The following ZNF554 variants were observed in gnomAD, a reference collection of about 807,000 sequenced individuals.
ZNF554 encodes zinc finger protein 554.
Under a neutral mutation model 21.2 loss-of-function variants are expected in ZNF554, and 15 were observed. The ratio of observed to expected loss-of-function variants is 0.71; its 90% CI spans 0.47 to 1.09. The LOEUF is 1.09. Among genes scored for constraint, ZNF554 ranks in the 50% least tolerant of loss-of-function variants. The pLI is 0.00. For missense variants in ZNF554, 691 were observed against 662.7 expected (o/e 1.04, Z -0.47); for synonymous variants, 258 against 251.4 (o/e 1.03, Z -0.25).
chr19:2,825,019 T>TGG (rs1568332529), intron 2 of ZNF554, among the ~76,000 whole-genome samples: 1 of 148,330 alleles, frequency 6.7e-6, no homozygotes, highest in Non-Finnish European at 1.5e-5. Flanking sequence ...TTTTTTTTTT[T>TGG]TTTTTTTTTT....
chr19:2,823,387 C>T (rs1018568650), intron 2 of ZNF554, among the ~76,000 whole-genome samples: 3 of 152,122 alleles, frequency 2.0e-5, no homozygotes, highest in Non-Finnish European at 4.4e-5. Context: ...GCTGTGGTAC[C>T]TTTGCCCAAG....
At position 2,825,003 on chromosome 19, in the gene ZNF554, GTTTTTT is replaced by G. The variant is rs140025750; in HGVS notation, c.126+1913_126+1918del. ...CACTGAGCATAACGTGATTGCAGTT[GTTTTTT>G]TTTTTTTTTTTTTTTTTTTTTGAGA... On this transcript the variant is annotated intron_variant, in intron 2 of 4. Transcript: ENST00000317243. Among the ~76,000 whole-genome samples, 83 of 97,704 alleles carry G rather than the reference GTTTTTT, an allele frequency of 8.5e-4. 1 individual carries two copies. Among genetic ancestry groups the G allele is most frequent in the African/African-American group, 2.8e-3 (75 of 26,526 alleles). 64.1% of individuals were successfully genotyped at this position (97,704 alleles called of 152,430 possible). A position where few individuals can be genotyped will look rare whatever the true frequency, so the allele number is the denominator to read the frequency against.
intron 3 of ZNF554, 40 bp from the exon 4 acceptor site, chr19:2,832,263 A>G (rs2087430754): frequency 6.6e-7 from 1 of 1,511,062 alleles, no homozygotes; most frequent in East Asian, 2.3e-5. Flanking sequence ...TAAAATCATT[A>G]TCTTGTGCTA....
At chr19:2,827,953 A>G (rs2087357867) in intron 3 of ZNF554, among the ~76,000 whole-genome samples, 1 of 152,198 alleles carries the variant, frequency 6.6e-6, no homozygotes, top group African/African-American at 2.4e-5. Flanking sequence ...ACGTGGCGGT[A>G]GGCAAGAGAG....
chr19:2,822,185 G>A (rs1568331421), intron 1 of ZNF554, among the ~76,000 whole-genome samples: 2 of 151,970 alleles, frequency 1.3e-5, no homozygotes, highest in South Asian at 2.1e-4. Flanking sequence ...TGAGTAGCTG[G>A]GTTTACAGGG....
At position 2,834,861 on chromosome 19, in the gene ZNF554, C is replaced by T. The variant is rs188183451; in HGVS notation, c.*9C>T. Reference sequence around the variant, plus strand: ...ATCTTATTGGATATTAGCAATTGCACGCTGCTTTGTAAGCCACTTTTTAGT... The same window carrying T: ...ATCTTATTGGATATTAGCAATTGCATGCTGCTTTGTAAGCCACTTTTTAGT... On this transcript the variant is annotated 3_prime_UTR_variant, in exon 5 of 5. Coordinates refer to ENST00000317243, the MANE Select transcript of ZNF554 (RefSeq NM_001102651.2). 7.6e-5 allele frequency: 119 copies of T among 1,564,264 alleles called. No individual in the cohort carries two copies. The Middle Eastern group carries it at 1.2e-3, about 16-fold the overall frequency.
intron 2 of ZNF554, among the ~76,000 whole-genome samples, chr19:2,823,605 C>G (rs1167723255): frequency 6.6e-6 from 1 of 152,128 alleles, no homozygotes; most frequent in African/African-American, 2.4e-5. Context: ...CTCTGCAGGT[C>G]TCTGAAGCTC....
rs571251839 is a variant in ZNF554 at position 2,824,020 on chromosome 19, C to T, written c.126+908C>T. Among the ~76,000 whole-genome samples the T allele has an allele frequency of 6.5e-4, 99 of 152,254 alleles. 1 individual carries two copies. The highest frequency in any genetic ancestry group is 2.1e-3 in the African/African-American group (88 of 41,546). ...TTAATCTGCCTCCTGCTGCCATTCA[C>T]GGCCCTAGGACTTGGCCCAAACCCC... On this transcript the variant is annotated intron_variant, in intron 2 of 4. Coordinates refer to ENST00000317243, the MANE Select transcript of ZNF554 (RefSeq NM_001102651.2).
chr19:2,832,094 T>C, intron 3 of ZNF554: 2 of 377,286 alleles, frequency 5.3e-6, no homozygotes, highest in Non-Finnish European at 9.5e-6. Context: ...CCCAGCTAAT[T>C]TTTGTATTTT....
Position 2,832,480 on chromosome 19 carries a change from A to G in ZNF554, c.431A>G (p.Gln144Arg), listed in dbSNP as rs1398167393. 4 of 1,605,346 alleles carry G rather than the reference A, an allele frequency of 2.5e-6. No individual in the cohort carries two copies. Among genetic ancestry groups the G allele is most frequent in the Non-Finnish European group, 3.4e-6 (4 of 1,177,062 alleles). Residue 144 changes from glutamine to arginine, a missense_variant, in exon 4 of 5, where the codon CAA becomes CGA. Physicochemically the swap from Gln to Arg is conservative, Grantham distance 43. Coordinates refer to ENST00000317243, the MANE Select transcript of ZNF554 (RefSeq NM_001102651.2). ...ALWIEEKGTP[Q>R]ASCSDWMTVL... ...TGGATAGAGGAAAAAGGAACTCCTC[A>G]AGCCTCCTGTTCAGGTGAGAATCAG...
intron 4 of ZNF554, 41 bp from the exon 5 acceptor site, chr19:2,833,640 T>C: frequency 6.7e-7 from 1 of 1,495,512 alleles, no homozygotes; most frequent in Non-Finnish European, 8.9e-7. Flanking sequence ...AGTAGCTGTT[T>C]CTTCTTCTAA....
intron 2 of ZNF554, among the ~76,000 whole-genome samples, chr19:2,826,864 G>C (rs1446021079): frequency 2.0e-5 from 3 of 151,954 alleles, no homozygotes; most frequent in South Asian, 4.2e-4. Flanking sequence ...GGGTTTCACT[G>C]CGTTCGCCAG....
rs542720826 is a variant in ZNF554, at chr19:2,834,919, C to T, written c.*67C>T. 11 of 1,398,120 alleles carry T rather than the reference C, an allele frequency of 7.9e-6. 1 individual carries two copies. The South Asian group carries it at 1.4e-4, about 18-fold the overall frequency. The allele number at this position is 1,398,120 out of a possible 1,614,324, so 86.6% of individuals were successfully genotyped here. A position where few individuals can be genotyped will look rare whatever the true frequency, so the allele number is the denominator to read the frequency against. On this transcript the variant is annotated 3_prime_UTR_variant, in exon 5 of 5. Coordinates refer to ENST00000317243, the MANE Select transcript of ZNF554 (RefSeq NM_001102651.2). ...CACATACATGTGGTTATCTTTTGCC[C>T]TGTTGTGATGGATAATTTGAAAAGA...
In ZNF554 at chr19:2,823,116, A is replaced by G. The variant is rs1252804126; in HGVS notation, c.126+4A>G. 3 of 1,611,750 alleles carry G rather than the reference A, an allele frequency of 1.9e-6. No individual in the cohort carries two copies. Among genetic ancestry groups the G allele is most frequent in the Non-Finnish European group, 2.5e-6 (3 of 1,178,286 alleles). On this transcript the variant is annotated splice_donor_region_variant and intron_variant, in intron 2 of 4. Transcript: ENST00000317243. ...GTACCTGCCCCGCTGGTCCCAGGTG[A>G]GATGTCCTCATTCTCCCAAAGGGCA...
chr19:2,821,808 T>C lies in ZNF554; in HGVS notation c.54-1232T>C, dbSNP rs1347541191. ...CCTCTCGAGTAGCTGGGATTACAGG[T>C]GCACGCCACCACACCCAGCTAATTT... On this transcript the variant is annotated intron_variant, in intron 1 of 4. Coordinates refer to ENST00000317243, the MANE Select transcript of ZNF554 (RefSeq NM_001102651.2). This position sits in a 1 kb window ranked among gnomAD's most constrained non-coding sequence, Gnocchi z 8.2. 2.0e-5 allele frequency among the ~76,000 whole-genome samples: 3 copies of C among 151,414 alleles called. No individual in the cohort carries two copies. The East Asian group carries it at 5.9e-4, about 30-fold the overall frequency.
In ZNF554 at chr19:2,819,996, C is replaced by T. The variant is rs530819506; in HGVS notation, c.-76C>T. 6.2e-6 allele frequency: 7 copies of T among 1,120,560 alleles called. No homozygotes were observed. In the African/African-American group the frequency reaches 1.1e-4, roughly 18 times the overall value. 69.4% of individuals were successfully genotyped at this position (1,120,560 alleles called of 1,614,324 possible). A position where few individuals can be genotyped will look rare whatever the true frequency, so the allele number is the denominator to read the frequency against. ...GAGCGGAGGAGGCGTCCCAGGGACA[C>T]GCAGGGGAGGCCGGCCGGCCTGCAC... On this transcript the variant is annotated 5_prime_UTR_variant, in exon 1 of 5. It adds an upstream start codon to the 5' untranslated region. Coordinates refer to ENST00000317243, the MANE Select transcript of ZNF554 (RefSeq NM_001102651.2).
In ZNF554 at chr19:2,821,041, C is replaced by T. The variant is rs540529799; in HGVS notation, c.53+917C>T. Reference sequence around the variant, plus strand: ...GCTGACCTTTCTGCTGCTCTAGCAACCCCAACCTCCCTGAACTCTCCCCTA... The same window carrying T: ...GCTGACCTTTCTGCTGCTCTAGCAATCCCAACCTCCCTGAACTCTCCCCTA... On this transcript the variant is annotated intron_variant, in intron 1 of 4. Coordinates refer to ENST00000317243, the MANE Select transcript of ZNF554 (RefSeq NM_001102651.2). The surrounding 1 kb of genome is among the most constrained non-coding windows in gnomAD (Gnocchi z 8.2). Among the ~76,000 whole-genome samples the T allele has an allele frequency of 6.6e-6, 1 of 151,794 alleles. No individual in the cohort carries two copies. Among genetic ancestry groups the T allele is most frequent in the Admixed American group, 6.6e-5 (1 of 15,260 alleles).
rs537293523 is a variant in ZNF554, at chr19:2,823,561, G to C, written c.126+449G>C. ...CAGCAGAGAGGAGGCCTAGGAGAGG[G>C]TGGCTCCTCTCCACAGGCAAGTCAT... On this transcript the variant is annotated intron_variant, in intron 2 of 4. Coordinates refer to ENST00000317243, the MANE Select transcript of ZNF554 (RefSeq NM_001102651.2). Among the ~76,000 whole-genome samples, 11 of 152,276 alleles carry C rather than the reference G, an allele frequency of 7.2e-5. No individual in the cohort carries two copies. In the South Asian group the frequency reaches 2.1e-3, roughly 29 times the overall value.
chr19:2,825,125 G>T (rs1192266547), intron 2 of ZNF554, among the ~76,000 whole-genome samples: 1 of 146,572 alleles, frequency 6.8e-6, no homozygotes, highest in African/African-American at 2.5e-5. Context: ...CTATTCTTGT[G>T]TCTCAGCCTC....
Sources: gnomAD v4.1 joint callset for allele counts (sites outside exome capture counted in the v4.1 genomes callset) on GRCh38, gnomAD v4.1.1 for gene constraint, Gnocchi (gnomAD v3.1) non-coding constraint, MANE v1.5 for transcripts, NCBI Gene and HGNC (gene_info 2026-07-23, HGNC 2026-07-21) for gene names.